Variants in MORN1 observed in about 807,000 individuals in gnomAD.
MORN1 encodes MORN repeat containing 1, also known as MORN repeat-containing protein 1.
Under a neutral mutation model 61.9 loss-of-function variants are expected in MORN1, and 67 were observed. The observed-to-expected ratio is 1.08, with a 90% CI of 0.89 to 1.33. The LOEUF is 1.33. Among genes scored for constraint, MORN1 ranks in the 40% most tolerant of loss-of-function variants. The pLI is 0.00. For missense variants in MORN1, 752 were observed against 691.2 expected (o/e 1.09, Z -0.99); for synonymous variants, 301 against 292.0 (o/e 1.03, Z -0.31).
intron 1 of MORN1, 58 bp from the exon 2 acceptor site, chr1:2,390,054 C>G (rs1055935661): frequency 1.2e-5 from 18 of 1,502,606 alleles, no homozygotes; most frequent in Admixed American, 1.7e-5. Flanking sequence ...GGGATGCTCT[C>G]CAGTGCTGAA....
chr1:2,326,503 G>C (rs1314164272), intron 12 of MORN1: 1 of 152,256 alleles, frequency 6.6e-6, no homozygotes, highest in African/African-American at 2.4e-5. Context: ...GTGCCCCACA[G>C]ACGGCGAGCA....
At chr1:2,343,555 C>T (rs1356136622) in intron 10 of MORN1, among the ~76,000 whole-genome samples, 2 of 152,132 alleles carry the variant, frequency 1.3e-5, no homozygotes, top group African/African-American at 2.4e-5. Flanking sequence ...GGCCAAGGTC[C>T]GGGGCTCCCT....
chr1:2,385,033 C>A lies in MORN1; in HGVS notation c.482G>T (p.Arg161Leu). 1 of 1,599,228 alleles carries A rather than the reference C, an allele frequency of 6.3e-7. No homozygotes were observed. Residue 161 changes from arginine to leucine, a missense_variant, in exon 6 of 14, where the codon CGG becomes CTG. Arg to Leu is a moderately radical substitution (Grantham distance 102, BLOSUM62 -2). Transcript: ENST00000378531. ...CACCCCGTGTCCCTGACGCCGGTCC[C>A]GGACCCAGTCGCCGTCGTACTTGTC... Reference protein sequence around the residue: ...NGDKYDGDWVRDRRQGHGVLR... With the variant: ...NGDKYDGDWVLDRRQGHGVLR...
intron 8 of MORN1, among the ~76,000 whole-genome samples, chr1:2,359,207 TAGC>T (rs1302688177): frequency 6.6e-6 from 1 of 152,070 alleles, no homozygotes; most frequent in Non-Finnish European, 1.5e-5. Flanking sequence ...CCCTGGCAGA[TAGC>T]AGGCTCTCCG....
intron 12 of MORN1, among the ~76,000 whole-genome samples, chr1:2,327,237 AAC>A (rs1227118376): frequency 3.8e-5 from 2 of 52,914 alleles, no homozygotes; most frequent in Non-Finnish European, 1.0e-4. Flanking sequence ...GAGACACAGA[AAC>A]ACACAGAAAC....
intron 6 of MORN1, chr1:2,379,182 C>A (rs1367215874): frequency 2.1e-6 from 1 of 470,720 alleles, no homozygotes; most frequent in Non-Finnish European, 4.4e-6. Flanking sequence ...TGGGTAGCAG[C>A]CGATGTCTCC....
At chr1:2,325,876 C>T (rs1214069250) in intron 12 of MORN1, among the ~76,000 whole-genome samples, 6 of 152,172 alleles carry the variant, frequency 3.9e-5, no homozygotes, top group African/African-American at 1.2e-4. Context: ...CTTCCCACCT[C>T]GGCTTCCTAA....
At chr1:2,382,743 A>G (rs1487164503) in intron 6 of MORN1, among the ~76,000 whole-genome samples, 3 of 152,102 alleles carry the variant, frequency 2.0e-5, no homozygotes, top group Non-Finnish European at 4.4e-5. Context: ...TCTCCTGCAT[A>G]TGGCTCAGGT....
At chr1:2,322,713 G>A in intron 13 of MORN1, 5 of 985,496 alleles carry the variant, frequency 5.1e-6, no homozygotes, top group African/African-American at 1.7e-5. Context: ...AAGCAGCCCG[G>A]TTTCTAGGTG....
At chr1:2,351,828 G>A (rs1204949119) in intron 10 of MORN1, 5 of 530,562 alleles carry the variant, frequency 9.4e-6, no homozygotes, top group East Asian at 4.7e-5. Flanking sequence ...GTCCGTGTGT[G>A]GCAGCATCTT....
At chr1:2,322,906 C>T in intron 13 of MORN1, 2 of 985,444 alleles carry the variant, frequency 2.0e-6, no homozygotes, top group Non-Finnish European at 2.4e-6. Context: ...GTGCGGCAGG[C>T]CGGGCCTCGA....
intron 6 of MORN1, among the ~76,000 whole-genome samples, chr1:2,380,435 G>C (rs1324072243): frequency 6.6e-6 from 1 of 152,234 alleles, no homozygotes. Flanking sequence ...CCAGGAATTG[G>C]AGATTAGCCT....
At chr1:2,336,985 G>A in intron 10 of MORN1, 135 bp from the exon 11 acceptor site, 1 of 1,080,452 alleles carries the variant, frequency 9.3e-7, no homozygotes, top group Non-Finnish European at 1.2e-6. Flanking sequence ...CATCTTGGTG[G>A]GGGCAGGTCA....
Position 2,337,725 on chromosome 1 carries a change from C to T in MORN1, c.1037-875G>A, listed in dbSNP as rs950817890. On this transcript the variant is annotated intron_variant, in intron 10 of 13. Transcript: ENST00000378531. The surrounding 1 kb of genome is among the most constrained non-coding windows in gnomAD (Gnocchi z 5.7). The stretch of plus-strand genomic sequence containing the variant: ...CGCTGCCCCGAGGGCCCCCCACTTG[C>T]ACACACCACTGGGAGGAGGTGCTAG... 2.0e-5 allele frequency among the ~76,000 whole-genome samples: 3 copies of T among 152,222 alleles called. No homozygotes were observed. The highest frequency in any genetic ancestry group is 4.4e-5 in the Non-Finnish European group (3 of 68,034).
In MORN1 at chr1:2,321,559, G is replaced by A. The variant is rs565641739; in HGVS notation, c.1318C>T (p.Arg440Cys). Residue 440 changes from arginine to cysteine, a missense_variant, in exon 14 of 14, where the codon CGC (arginine) becomes TGC (cysteine). Transcript: ENST00000378531. ...AHLGEYVLMI[R>C]DVTTPPFLGR... Reference sequence around the variant, plus strand: ...AGGAACGGCGGGGTGGTCACGTCGCGGATCATGAGCACGTACTCCCCTGCA... The same window carrying A: ...AGGAACGGCGGGGTGGTCACGTCGCAGATCATGAGCACGTACTCCCCTGCA... The A allele has an allele frequency of 4.3e-5, 65 of 1,517,802 alleles. 1 individual carries two copies. Among genetic ancestry groups the A allele is most frequent in the African/African-American group, 9.7e-5 (7 of 72,184 alleles). The allele number at this position is 1,517,802 out of a possible 1,614,324, so 94.0% of individuals were successfully genotyped here.
chr1:2,323,527 G>A (rs936085905), intron 13 of MORN1: 2 of 985,206 alleles, frequency 2.0e-6, no homozygotes, highest in Non-Finnish European at 2.4e-6. Context: ...CCTGGCATTC[G>A]GCCCCTCTGG....
intron 12 of MORN1, chr1:2,332,486 CTCG>C (rs955730142): frequency 2.5e-6 from 1 of 393,598 alleles, no homozygotes; most frequent in Non-Finnish European, 5.1e-6. Flanking sequence ...CATTGTCCCC[CTCG>C]GCAGTTCTGT....
chr1:2,355,689 G>A (rs1176783771), intron 10 of MORN1, among the ~76,000 whole-genome samples: 4 of 152,228 alleles, frequency 2.6e-5, no homozygotes, highest in African/African-American at 7.2e-5. Context: ...AGTGCTGGCC[G>A]CTGAGAGGGA....
Position 2,383,998 on chromosome 1 carries a change from C to T in MORN1, c.537+980G>A, listed in dbSNP as rs1418467521. The stretch of plus-strand genomic sequence containing the variant: ...TCCGGGCCCCCTCCTGACACTGAGA[C>T]GTTGCTCTTCCTTCTCCTGCCCTTT... On this transcript the variant is annotated intron_variant, in intron 6 of 13. Coordinates refer to ENST00000378531, the MANE Select transcript of MORN1 (RefSeq NM_024848.3). 4.6e-5 allele frequency among the ~76,000 whole-genome samples: 7 copies of T among 152,356 alleles called. No homozygotes were observed. The South Asian group carries it at 1.0e-3, about 23-fold the overall frequency.
Sources: gnomAD v4.1 joint callset for allele counts (sites outside exome capture counted in the v4.1 genomes callset) on GRCh38, gnomAD v4.1.1 for gene constraint, Gnocchi (gnomAD v3.1) non-coding constraint, MANE v1.5 for transcripts, NCBI Gene and HGNC (gene_info 2026-07-23, HGNC 2026-07-21) for gene names.